Variants in HIVEP3 observed in about 807,000 individuals in gnomAD.
HIVEP3 encodes transcription factor HIVEP3.
A neutral mutation model predicts 152.8 loss-of-function variants in HIVEP3; 49 were observed. The ratio of observed to expected loss-of-function variants is 0.32; its 90% confidence interval spans 0.26 to 0.41. The LOEUF (loss-of-function observed/expected upper bound fraction) is 0.41, where lower values mean the gene tolerates loss of function less well. Ranked by LOEUF, HIVEP3 falls within the 10% of genes least tolerant of loss-of-function variation. The pLI is 1.00. For missense variants in HIVEP3, 2,790 were observed against 3,103.3 expected (o/e 0.90, Z 2.40); for synonymous variants, 1,269 against 1,289.0 (o/e 0.98, Z 0.33).
chr1:41,561,519 C>CT (rs35615986), intron 5 of HIVEP3, among the ~76,000 whole-genome samples: 98 of 146,910 alleles, frequency 6.7e-4, no homozygotes, highest in South Asian at 1.3e-3. Flanking sequence ...CCATATGTCA[C>CT]TTTTTTTTTT....
chr1:41,812,214 C>CTTCA (rs1651001046), intron 1 of HIVEP3, among the ~76,000 whole-genome samples: 3 of 152,194 alleles, frequency 2.0e-5, no homozygotes, highest in African/African-American at 7.2e-5. Context: ...ATTAAGCAAA[C>CTTCA]TTAACAAACA....
chr1:42,001,527 G>A (rs1645427645), intron 1 of HIVEP3, among the ~76,000 whole-genome samples: 1 of 152,158 alleles, frequency 6.6e-6, no homozygotes, highest in African/African-American at 2.4e-5. Flanking sequence ...AGAGCCATAA[G>A]AGCTGAAAGA....
chr1:41,914,116 G>A (rs1423884056), intron 1 of HIVEP3, among the ~76,000 whole-genome samples: 1 of 152,092 alleles, frequency 6.6e-6, no homozygotes, highest in Non-Finnish European at 1.5e-5. Context: ...TAATGAGGAG[G>A]GGAGACCCAT....
At chr1:41,696,645 T>C (rs1414479830) in intron 2 of HIVEP3, among the ~76,000 whole-genome samples, 1 of 152,226 alleles carries the variant, frequency 6.6e-6, no homozygotes, top group African/African-American at 2.4e-5. Context: ...TGGCAGCTGC[T>C]GCCTCTTGTT....
At chr1:41,738,010 T>C (rs1646943941) in intron 1 of HIVEP3, among the ~76,000 whole-genome samples, 1 of 152,200 alleles carries the variant, frequency 6.6e-6, no homozygotes, top group African/African-American at 2.4e-5. Context: ...ATGCCATGTC[T>C]ATAGAGGACC....
At chr1:41,926,056 A>G (rs532620968) in intron 1 of HIVEP3, among the ~76,000 whole-genome samples, 1 of 152,270 alleles carries the variant, frequency 6.6e-6, no homozygotes, top group South Asian at 2.1e-4. Flanking sequence ...TGAGTGGTGC[A>G]GAGCAACGAG....
At chr1:41,730,790 G>A (rs1025434416) in intron 1 of HIVEP3, among the ~76,000 whole-genome samples, 3 of 152,180 alleles carry the variant, frequency 2.0e-5, no homozygotes, top group East Asian at 3.8e-4. Flanking sequence ...CCAGGATTCC[G>A]GGCACTTAGA....
rs188732657 is a variant in HIVEP3, at chr1:42,013,494, T to C, written n.119+22313A>G. Among the ~76,000 whole-genome samples the C allele has an allele frequency of 3.3e-3, 510 of 152,328 alleles. 1 individual carries two copies. The highest frequency in any genetic ancestry group is 0.011 in the African/African-American group (450 of 41,564). ...TTTGAAAATACAGATATTTAAAATC[T>C]CAACAGGAGCCCTACCTGTTTATTT... is the stretch of plus-strand genomic sequence containing the variant. On this transcript the variant is annotated intron_variant and non_coding_transcript_variant, in intron 1 of 3. Coordinates refer to the HIVEP3 transcript ENST00000489103.
intron 1 of HIVEP3, among the ~76,000 whole-genome samples, chr1:41,994,367 A>G (rs1378298835): frequency 6.6e-6 from 1 of 152,050 alleles, no homozygotes; most frequent in Admixed American, 6.6e-5. Flanking sequence ...TATTGGAATT[A>G]TGAAATTGAT....
intron 1 of HIVEP3, among the ~76,000 whole-genome samples, chr1:41,942,023 C>A (rs1314242470): frequency 1.3e-5 from 2 of 152,200 alleles, no homozygotes; most frequent in African/African-American, 2.4e-5. Flanking sequence ...ATTAAAACCT[C>A]AAAAATAATA....
At chr1:41,550,133 A>T (rs1354226662) in intron 5 of HIVEP3, among the ~76,000 whole-genome samples, 2 of 152,218 alleles carry the variant, frequency 1.3e-5, no homozygotes, top group Non-Finnish European at 1.5e-5. Context: ...AAAAAAGGGA[A>T]TCCTTTCCCC....
intron 3 of HIVEP3, among the ~76,000 whole-genome samples, chr1:41,606,642 T>C (rs1644826086): frequency 6.6e-6 from 1 of 151,924 alleles, no homozygotes; most frequent in African/African-American, 2.4e-5. Context: ...CTTTTTTGAT[T>C]GATGAAATAA....
At chr1:41,641,521 G>A (rs1235530039) in intron 2 of HIVEP3, among the ~76,000 whole-genome samples, 1 of 152,246 alleles carries the variant, frequency 6.6e-6, no homozygotes, top group African/African-American at 2.4e-5. Context: ...GAAATTGTGT[G>A]CCACAGGGCC....
intron 1 of HIVEP3, among the ~76,000 whole-genome samples, chr1:41,746,525 C>A (rs1286895967): frequency 6.6e-6 from 1 of 152,184 alleles, no homozygotes; most frequent in African/African-American, 2.4e-5. Context: ...GCATGGGGTG[C>A]AAGAGCTTCT....
intron 1 of HIVEP3, among the ~76,000 whole-genome samples, chr1:41,806,297 G>A (rs965288945): frequency 5.9e-5 from 9 of 152,154 alleles, no homozygotes; most frequent in African/African-American, 1.9e-4. Flanking sequence ...ACCCAGCCAC[G>A]GATCAACCTG....
At chr1:41,998,138 A>G (rs1455512661) in intron 1 of HIVEP3, among the ~76,000 whole-genome samples, 1 of 150,966 alleles carries the variant, frequency 6.6e-6, no homozygotes, top group Non-Finnish European at 1.5e-5. Flanking sequence ...TCTGTCTGTT[A>G]AAAAAAAAGA....
chr1:41,527,378 ACACT>A (rs1643016632), intron 5 of HIVEP3, among the ~76,000 whole-genome samples: 1 of 95,600 alleles, frequency 1.0e-5, no homozygotes, highest in Admixed American at 1.1e-4. Context: ...CCCTGCACTC[ACACT>A]CGCACTCACA....
chr1:41,563,394 T>C (rs1224298256), intron 5 of HIVEP3, among the ~76,000 whole-genome samples: 1 of 150,906 alleles, frequency 6.6e-6, no homozygotes, highest in Non-Finnish European at 1.5e-5. Context: ...GGGGAGGAAG[T>C]GAATGCAATG....
intron 1 of HIVEP3, among the ~76,000 whole-genome samples, chr1:41,915,934 T>G (rs1644864149): frequency 6.6e-6 from 1 of 152,126 alleles, no homozygotes. Flanking sequence ...GGAAACAGGA[T>G]GGAGAACAGC....
Sources: allele counts gnomAD v4.1 joint callset (sites outside exome capture counted in the v4.1 genomes callset), GRCh38; gene constraint gnomAD v4.1.1; transcripts MANE v1.5; gene names NCBI Gene and HGNC (gene_info 2026-07-23, HGNC 2026-07-21).